ANO4: variants seen among roughly 807,000 people sequenced by gnomAD.
The protein encoded by ANO4 is anoctamin-4.
ANO4 carries 69 observed loss-of-function variants against 141.9 expected under a neutral mutation model. The observed-to-expected ratio is 0.49, with a 90% CI of 0.40 to 0.59. The LOEUF is 0.59. Ranked by LOEUF, ANO4 falls within the 20% of genes least tolerant of loss-of-function variation. ANO4 has a pLI of 0.00. For missense variants in ANO4, 894 were observed against 1,162.2 expected, an observed-to-expected ratio of 0.77 and a Z score of 3.36; for synonymous variants, 350 against 394.3, an observed-to-expected ratio of 0.89 and a Z score of 1.33.
intron 3 of ANO4, among the ~76,000 whole-genome samples, chr12:100,776,007 A>T (rs1426819470): frequency 6.6e-6 from 1 of 152,190 alleles, no homozygotes; most frequent in Non-Finnish European, 1.5e-5. Flanking sequence ...TAACAGGCTG[A>T]ATGATGATAA....
intron 3 of ANO4, among the ~76,000 whole-genome samples, chr12:100,747,849 G>T (rs957821994): frequency 2.0e-5 from 3 of 152,180 alleles, no homozygotes; most frequent in Non-Finnish European, 4.4e-5. Context: ...CTCCAGCCTG[G>T]GTGACAAGAG....
chr12:100,821,198 C>G (rs2036032995), intron 1 of ANO4, among the ~76,000 whole-genome samples: 1 of 151,984 alleles, frequency 6.6e-6, no homozygotes. Context: ...ATATGGTACC[C>G]TAATATGCCA....
intron 1 of ANO4, among the ~76,000 whole-genome samples, chr12:100,725,245 T>C (rs1166696043): frequency 1.3e-5 from 2 of 152,064 alleles, no homozygotes; most frequent in African/African-American, 4.8e-5. Context: ...TTCTTGTGAG[T>C]GAGATGTTTG....
intron 1 of ANO4, among the ~76,000 whole-genome samples, chr12:100,857,254 A>G (rs1000424120): frequency 6.6e-6 from 1 of 152,180 alleles, no homozygotes; most frequent in Non-Finnish European, 1.5e-5. Context: ...AATAATGTTC[A>G]GAAAACCTTC....
chr12:100,877,786 G>C (rs974748054), intron 1 of ANO4, among the ~76,000 whole-genome samples: 24 of 152,116 alleles, frequency 1.6e-4, no homozygotes, highest in African/African-American at 5.6e-4. Context: ...GATTGGTTCT[G>C]TTATGGCTCT....
intron 2 of ANO4, among the ~76,000 whole-genome samples, chr12:100,918,186 G>C (rs546607636): frequency 6.6e-6 from 1 of 152,250 alleles, no homozygotes; most frequent in African/African-American, 2.4e-5. Context: ...AATTAGCCAG[G>C]CATGGTGGTG....
intron 5 of ANO4, among the ~76,000 whole-genome samples, chr12:100,947,223 T>C (rs1015899264): frequency 6.6e-6 from 1 of 152,258 alleles, no homozygotes; most frequent in Non-Finnish European, 1.5e-5. Context: ...TTTATGCTAA[T>C]ACAAACTATA....
rs991030555 is a variant in ANO4, at chr12:101,128,098, A to G, written c.*242A>G. The G allele has an allele frequency of 2.0e-5, 3 of 152,666 alleles. No homozygotes were observed. The highest frequency in any genetic ancestry group is 7.2e-5 in the African/African-American group (3 of 41,454). 9.5% of individuals were successfully genotyped at this position (152,666 alleles called of 1,614,324 possible). A position where few individuals can be genotyped will look rare whatever the true frequency, so the allele number is the denominator to read the frequency against. On this transcript the variant is annotated 3_prime_UTR_variant, in exon 28 of 28. Coordinates refer to ENST00000392977, the MANE Select transcript of ANO4 (RefSeq NM_001286615.2). Reference sequence around the variant, plus strand: ...ATAGACCATTCTTGACCAAGCAAGCATGCACATTATGGGCAGTTACATTCT... The same window carrying G: ...ATAGACCATTCTTGACCAAGCAAGCGTGCACATTATGGGCAGTTACATTCT...
At chr12:100,827,872 G>T (rs2036436624) in intron 1 of ANO4, among the ~76,000 whole-genome samples, 1 of 151,900 alleles carries the variant, frequency 6.6e-6, no homozygotes. Flanking sequence ...CTGATGCTAC[G>T]CTTCTGGCCT....
intron 24 of ANO4, among the ~76,000 whole-genome samples, chr12:101,113,327 C>T (rs1456771003): frequency 3.3e-5 from 5 of 152,184 alleles, no homozygotes; most frequent in Non-Finnish European, 5.9e-5. Flanking sequence ...AACCTTTATG[C>T]ACAATTGATA....
At chr12:100,965,046 A>G (rs991301569) in intron 5 of ANO4, among the ~76,000 whole-genome samples, 13 of 152,180 alleles carry the variant, frequency 8.5e-5, no homozygotes, top group Non-Finnish European at 1.8e-4. Context: ...GATTTGCAGA[A>G]TAGATGAGTG....
At chr12:100,964,217 A>G (rs1306608986) in intron 5 of ANO4, among the ~76,000 whole-genome samples, 1 of 152,206 alleles carries the variant, frequency 6.6e-6, no homozygotes, top group Non-Finnish European at 1.5e-5. Flanking sequence ...GTGAAACAGC[A>G]GTTCTGAAGC....
In ANO4 at chr12:101,043,505, A is replaced by T. The variant is rs1210012273; in HGVS notation, c.1155-34A>T. The T allele has an allele frequency of 2.0e-6, 3 of 1,530,572 alleles. No homozygotes were observed. The Admixed American group carries it at 5.0e-5, about 26-fold the overall frequency. 94.8% of individuals were successfully genotyped at this position (1,530,572 alleles called of 1,614,324 possible). On this transcript the variant is annotated intron_variant, in intron 12 of 27. Transcript: ENST00000392977. Reference sequence around the variant, plus strand: ...AAGTTAGAAAAAAATGTTCCATGTCATCAAAAAGCAGTCCTTTCTGTTCTC... The same window carrying T: ...AAGTTAGAAAAAAATGTTCCATGTCTTCAAAAAGCAGTCCTTTCTGTTCTC...
At chr12:100,999,620 C>T (rs1053955489) in intron 8 of ANO4, among the ~76,000 whole-genome samples, 1 of 151,880 alleles carries the variant, frequency 6.6e-6, no homozygotes, top group Non-Finnish European at 1.5e-5. Context: ...ACAAATTTGC[C>T]AATCCAAAAA....
At chr12:100,862,586 TG>T (rs1368307221) in intron 1 of ANO4, among the ~76,000 whole-genome samples, 2 of 151,884 alleles carry the variant, frequency 1.3e-5, no homozygotes, top group African/African-American at 4.9e-5. Flanking sequence ...CCTCCCAAAG[TG>T]CTGGGATTAC....
intron 6 of ANO4, among the ~76,000 whole-genome samples, chr12:100,974,395 C>T (rs2044067613): frequency 6.6e-6 from 1 of 151,706 alleles, no homozygotes; most frequent in Non-Finnish European, 1.5e-5. Context: ...CTGTCTATAC[C>T]ATGAGAGACG....
intron 1 of ANO4, among the ~76,000 whole-genome samples, chr12:100,729,580 C>T (rs895018785): frequency 6.6e-6 from 1 of 152,048 alleles, no homozygotes; most frequent in Non-Finnish European, 1.5e-5. Context: ...ACTGTTTAAT[C>T]TGGATACTGA....
At chr12:100,735,434 G>T (rs10860626) in intron 2 of ANO4, among the ~76,000 whole-genome samples, 25,938 of 152,108 alleles carry the variant, frequency 0.17, 2,547 homozygotes, top group East Asian at 0.47. Flanking sequence ...TTAAACATTA[G>T]CTAAGTAGTA....
chr12:100,958,094 A>G (rs2043248091), intron 5 of ANO4, among the ~76,000 whole-genome samples: 1 of 152,160 alleles, frequency 6.6e-6, no homozygotes, highest in South Asian at 2.1e-4. Flanking sequence ...CAAGCACCTG[A>G]ATTCTCTCAC....
Sources: allele counts gnomAD v4.1 joint callset (sites outside exome capture counted in the v4.1 genomes callset), GRCh38; gene constraint gnomAD v4.1.1; transcripts MANE v1.5; gene names NCBI Gene and HGNC (gene_info 2026-07-23, HGNC 2026-07-21).